ZNF469: variants seen among roughly 807,000 people sequenced by gnomAD.
ZNF469 encodes the protein zinc finger protein 469.
A neutral mutation model predicts 1.0 loss-of-function variants in ZNF469; 1 was observed. The observed-to-expected ratio is 1.00, with a 90% confidence interval of 0.35 to 4.73. The LOEUF is 4.73. ZNF469 is among the 30% of genes most tolerant of loss of function. ZNF469 has a pLI of 0.16. For missense variants in ZNF469, 6,100 were observed against 5,356.3 expected (o/e 1.14, Z -4.33); for synonymous variants, 2,703 against 2,363.4 (o/e 1.14, Z -4.17).
chr16:88,293,217 G>A, the ZNF469 span, among the ~76,000 whole-genome samples: 4 of 151,948 alleles, frequency 2.6e-5, no homozygotes, highest in Admixed American at 6.6e-5. Context: ...TAGATGGATG[G>A]ATAGGTAGAT....
the ZNF469 span, among the ~76,000 whole-genome samples, chr16:88,243,951 T>TATATATATATATATATAA: frequency 8.3e-6 from 1 of 120,774 alleles, no homozygotes; most frequent in Admixed American, 8.3e-5. Flanking sequence ...TATATATATA[T>TATATATATATATATATAA]AAATGTATGT....
chr16:88,282,208 A>G, the ZNF469 span, among the ~76,000 whole-genome samples: 1 of 152,166 alleles, frequency 6.6e-6, no homozygotes, highest in African/African-American at 2.4e-5. Context: ...GGCTCAAGGC[A>G]TTTGGGAGAC....
the ZNF469 span, among the ~76,000 whole-genome samples, chr16:88,283,668 G>A: frequency 5.4e-3 from 824 of 152,356 alleles, 10 homozygotes; most frequent in African/African-American, 0.019. Flanking sequence ...ATTCTCTGGG[G>A]TGTGAGGAGT....
intron 1 of ZNF469, among the ~76,000 whole-genome samples, chr16:88,416,020 A>G (rs1905293224): frequency 6.6e-6 from 1 of 151,876 alleles, no homozygotes; most frequent in Admixed American, 6.5e-5. Flanking sequence ...TCTCGTCCTT[A>G]GGAGGCAAAA....
At chr16:88,111,117 C>T in the ZNF469 span, among the ~76,000 whole-genome samples, 9 of 152,360 alleles carry the variant, frequency 5.9e-5, no homozygotes, top group East Asian at 3.9e-4. Flanking sequence ...GGGCCCCTCC[C>T]GCACCGCCCC....
At chr16:88,199,704 C>A in the ZNF469 span, among the ~76,000 whole-genome samples, 1 of 152,200 alleles carries the variant, frequency 6.6e-6, no homozygotes, top group South Asian at 2.1e-4. Flanking sequence ...GAGCCTCAGG[C>A]CAGGTGCAGG....
the ZNF469 span, among the ~76,000 whole-genome samples, chr16:88,216,291 C>T: frequency 1.3e-5 from 2 of 151,940 alleles, no homozygotes; most frequent in African/African-American, 2.4e-5. Context: ...GTCAGGAGAT[C>T]GAGAACATCC....
At chr16:88,196,244 G>T in the ZNF469 span, among the ~76,000 whole-genome samples, 702 of 152,302 alleles carry the variant, frequency 4.6e-3, 2 homozygotes, top group African/African-American at 0.016. Flanking sequence ...GGACCACCAG[G>T]CTAGCAGGCC....
the ZNF469 span, among the ~76,000 whole-genome samples, chr16:88,103,613 CATGA>C: frequency 7.5e-4 from 114 of 152,314 alleles, no homozygotes; most frequent in African/African-American, 2.7e-3. Context: ...ATTTCTCCTG[CATGA>C]ATCAGATCAT....
At chr16:88,325,140 G>A in the ZNF469 span, among the ~76,000 whole-genome samples, 2 of 147,474 alleles carry the variant, frequency 1.4e-5, no homozygotes, top group African/African-American at 5.1e-5. Context: ...CACTCCAGGT[G>A]GTCCCGACAG....
At chr16:88,151,166 TA>T in the ZNF469 span, among the ~76,000 whole-genome samples, 1 of 152,186 alleles carries the variant, frequency 6.6e-6, no homozygotes, top group Non-Finnish European at 1.5e-5. The surrounding 1 kb of genome is among the most constrained non-coding windows in gnomAD (Gnocchi z 5.4). Flanking sequence ...AACAAAGTCT[TA>T]TTCCTTTGAA....
At chr16:88,340,921 A>G in the ZNF469 span, among the ~76,000 whole-genome samples, 1 of 151,960 alleles carries the variant, frequency 6.6e-6, no homozygotes. Context: ...AGGGCCTCGC[A>G]GAGAGCCCTG....
the ZNF469 span, among the ~76,000 whole-genome samples, chr16:88,190,510 T>G: frequency 6.6e-6 from 1 of 152,204 alleles, no homozygotes; most frequent in Non-Finnish European, 1.5e-5. Context: ...GAGAAGAGCA[T>G]GCACTGGAGA....
chr16:88,331,575 C>G, the ZNF469 span, among the ~76,000 whole-genome samples: 1 of 149,316 alleles, frequency 6.7e-6, no homozygotes, highest in South Asian at 2.1e-4. Context: ...ATCACCACCA[C>G]CACCACCACC....
chr16:88,349,134 G>A, the ZNF469 span, among the ~76,000 whole-genome samples: 1 of 151,744 alleles, frequency 6.6e-6, no homozygotes, highest in Admixed American at 6.5e-5. Flanking sequence ...AAAGAAGCAA[G>A]CAGCCACTCG....
the ZNF469 span, among the ~76,000 whole-genome samples, chr16:88,293,429 T>C: frequency 2.0e-5 from 3 of 151,954 alleles, no homozygotes; most frequent in Admixed American, 6.6e-5. Flanking sequence ...GGATGGATGG[T>C]TAAATCGGTA....
the ZNF469 span, among the ~76,000 whole-genome samples, chr16:88,199,663 G>A: frequency 7.9e-5 from 12 of 152,364 alleles, no homozygotes; most frequent in South Asian, 2.3e-3. Context: ...TCCACAGAGG[G>A]TGCTTGGCTG....
chr16:88,120,815 G>A, the ZNF469 span, among the ~76,000 whole-genome samples: 4 of 152,154 alleles, frequency 2.6e-5, no homozygotes, highest in African/African-American at 7.2e-5. Context: ...CGGAGGAGAC[G>A]CCCGTGTCGA....
chr16:88,145,690 C>A, the ZNF469 span, among the ~76,000 whole-genome samples: 1 of 152,238 alleles, frequency 6.6e-6, no homozygotes, highest in Non-Finnish European at 1.5e-5. Context: ...GCTTTCACGT[C>A]CTCCTTATTC....
Sources: gnomAD v4.1 joint callset for allele counts (sites outside exome capture counted in the v4.1 genomes callset) on GRCh38, gnomAD v4.1.1 for gene constraint, Gnocchi (gnomAD v3.1) non-coding constraint, MANE v1.5 for transcripts, NCBI Gene and HGNC (gene_info 2026-07-23, HGNC 2026-07-21) for gene names.